DMXL1: variants seen among roughly 807,000 people sequenced by gnomAD.
DMXL1 encodes dmX-like protein 1.
A neutral mutation model predicts 319.2 loss-of-function variants in DMXL1; 99 were observed. The observed-to-expected ratio is 0.31, with a 90% CI of 0.26 to 0.37. The LOEUF is 0.37. DMXL1 is among the 10% of genes least tolerant of loss of function. The pLI is 1.00. For synonymous variants in DMXL1, 1,385 were observed against 1,235.2 expected, an observed-to-expected ratio of 1.12 and a Z score of -2.54; for missense variants, 3,745 against 3,595.6, an observed-to-expected ratio of 1.04 and a Z score of -1.06.
chr5:119,116,954 A>G (rs148891882), intron 7 of DMXL1, among the ~76,000 whole-genome samples: 2,469 of 152,128 alleles, frequency 0.016, 73 homozygotes, highest in African/African-American at 0.055. Context: ...GTAATACTGA[A>G]TTTTAGTAGG....
At chr5:119,201,425 T>C (rs1780690635) in intron 32 of DMXL1, among the ~76,000 whole-genome samples, 1 of 152,204 alleles carries the variant, frequency 6.6e-6, no homozygotes, top group East Asian at 1.9e-4. Context: ...GCCTACTTGA[T>C]CATGGTGAAT....
intron 4 of DMXL1, among the ~76,000 whole-genome samples, chr5:119,106,929 G>T (rs1003382077): frequency 6.6e-6 from 1 of 152,226 alleles, no homozygotes; most frequent in African/African-American, 2.4e-5. Flanking sequence ...CACACAAAGA[G>T]TAATATGTAG....
At chr5:119,123,981 C>T (rs971602828) in intron 9 of DMXL1, among the ~76,000 whole-genome samples, 2 of 150,930 alleles carry the variant, frequency 1.3e-5, no homozygotes, top group African/African-American at 4.9e-5. Context: ...TGGATTAGTA[C>T]ATCAGTGTAC....
intron 34 of DMXL1, among the ~76,000 whole-genome samples, chr5:119,209,084 T>C (rs140022457): frequency 1.3e-5 from 2 of 152,384 alleles, no homozygotes; most frequent in Non-Finnish European, 2.9e-5. Context: ...TATATGGATA[T>C]ACCATAGTTT....
chr5:119,191,985 G>C (rs780622061), intron 29 of DMXL1, among the ~76,000 whole-genome samples: 5 of 152,062 alleles, frequency 3.3e-5, no homozygotes, highest in Admixed American at 6.6e-5. Context: ...TTGCTTTTTG[G>C]AGAAAGGACT....
intron 5 of DMXL1, among the ~76,000 whole-genome samples, chr5:119,112,095 G>T (rs1022031525): frequency 2.6e-5 from 4 of 152,238 alleles, no homozygotes; most frequent in African/African-American, 9.6e-5. Flanking sequence ...CAAGTAGTTG[G>T]GACTACAGGC....
intron 37 of DMXL1, among the ~76,000 whole-genome samples, chr5:119,222,531 T>C (rs1015636800): frequency 6.6e-6 from 1 of 152,206 alleles, no homozygotes; most frequent in African/African-American, 2.4e-5. Context: ...ATAGGACTAA[T>C]AGGCACTTTT....
intron 19 of DMXL1, among the ~76,000 whole-genome samples, chr5:119,153,162 A>T (rs1011132812): frequency 6.6e-6 from 1 of 152,098 alleles, no homozygotes; most frequent in Admixed American, 6.6e-5. Context: ...TTTTTAATAG[A>T]GATGGGGTTT....
At chr5:119,240,002 C>A (rs1788479995) in intron 41 of DMXL1, among the ~76,000 whole-genome samples, 1 of 150,650 alleles carries the variant, frequency 6.6e-6, no homozygotes, top group Admixed American at 6.6e-5. Flanking sequence ...AGCATGTTGG[C>A]TCATGCCTGT....
rs1170375802 is a variant in DMXL1, at chr5:119,077,762, T to A, written c.87+6106T>A. 6.3e-5 allele frequency among the ~76,000 whole-genome samples: 9 copies of A among 142,574 alleles called. No homozygotes were observed. The South Asian group carries it at 1.8e-3, about 28-fold the overall frequency. The allele number at this position is 142,574 out of a possible 152,430, so 93.5% of individuals were successfully genotyped here. ...TATACATTTATTTTTTAAGTGTGTG[T>A]GTGTGTGTGTGTGTGTGTGTGTGTG... On this transcript the variant is annotated intron_variant, in intron 1 of 43. Coordinates refer to ENST00000539542, the MANE Select transcript of DMXL1 (RefSeq NM_001290321.3).
chr5:119,105,952 C>A (rs1464413724), intron 4 of DMXL1, among the ~76,000 whole-genome samples: 1 of 150,868 alleles, frequency 6.6e-6, no homozygotes, highest in African/African-American at 2.4e-5. Context: ...TTATCTATTT[C>A]TGCATTAGAA....
chr5:119,114,533 G>A lies in DMXL1; in HGVS notation c.556G>A (p.Ala186Thr). 2 of 1,606,304 alleles carry A rather than the reference G, an allele frequency of 1.2e-6. No homozygotes were observed. The highest frequency in any genetic ancestry group is 1.7e-6 in the Non-Finnish European group (2 of 1,177,046). Reference sequence around the variant, plus strand: ...ACCAGATGGAGAATTTTTTGCCACTGCTGGGAAGGTAAATTGTGAAAATGC... The same window carrying A: ...ACCAGATGGAGAATTTTTTGCCACTACTGGGAAGGTAAATTGTGAAAATGC... ...FSPDGEFFAT[A>T]GKDDCLLKVW... The change falls in exon 6 of 44, where the codon GCT becomes ACT. Residue 186 changes from alanine to threonine, a missense_variant. Coordinates refer to ENST00000539542, the MANE Select transcript of DMXL1 (RefSeq NM_001290321.3).
rs1340451946 is a variant in DMXL1 at position 119,247,268 on chromosome 5, A to G, written c.*49A>G. The G allele has an allele frequency of 3.0e-6, 4 of 1,314,618 alleles. No individual in the cohort carries two copies. The highest frequency in any genetic ancestry group is 4.3e-6 in the Non-Finnish European group (4 of 927,358). The allele number at this position is 1,314,618 out of a possible 1,614,324, so 81.4% of individuals were successfully genotyped here. On this transcript the variant is annotated 3_prime_UTR_variant, in exon 44 of 44. Transcript: ENST00000539542. ...TTTATTACCTATATGGAAGTGGCCA[A>G]CAGATATAATATACAGTGATCATTC...
chr5:119,102,830 G>A (rs1357415406), intron 3 of DMXL1, among the ~76,000 whole-genome samples: 1 of 152,132 alleles, frequency 6.6e-6, no homozygotes, highest in Non-Finnish European at 1.5e-5. Flanking sequence ...TCTGAAAGAA[G>A]ATAAGTGTAG....
chr5:119,191,396 T>A (rs575692659), intron 29 of DMXL1, among the ~76,000 whole-genome samples: 3 of 152,236 alleles, frequency 2.0e-5, no homozygotes, highest in Admixed American at 6.5e-5. Context: ...CCTAAATGTT[T>A]AAGGGTAGTG....
chr5:119,225,366 C>G (rs1785346710), intron 38 of DMXL1, among the ~76,000 whole-genome samples: 1 of 151,884 alleles, frequency 6.6e-6, no homozygotes, highest in African/African-American at 2.4e-5. Flanking sequence ...CAACCAAGAA[C>G]TTAATTAATG....
chr5:119,121,094 G>C lies in DMXL1; in HGVS notation c.1057G>C (p.Ala353Pro). The C allele has an allele frequency of 6.2e-7, 1 of 1,609,860 alleles. No homozygotes were observed. The highest frequency in any genetic ancestry group is 8.5e-7 in the Non-Finnish European group (1 of 1,178,882). ...VHRNTPLHAN[A>P]LCHFHIAASI... The stretch of plus-strand genomic sequence containing the variant: ...CAGGAACACTCCACTGCATGCCAAT[G>C]CACTTTGCCACTTTCATATTGCAGC... Residue 353 changes from alanine (A) to proline (P), a missense_variant, in exon 9 of 44, where the codon GCA becomes CCA. Transcript: ENST00000539542.
chr5:119,178,364 G>T (rs965348774), intron 28 of DMXL1, 120 bp downstream of exon 28: 10 of 1,168,744 alleles, frequency 8.6e-6, no homozygotes, highest in Non-Finnish European at 7.1e-6. Flanking sequence ...TTTGCGAAAA[G>T]CATAAACAAA....
chr5:119,211,598 A>C (rs1782816818), intron 34 of DMXL1, among the ~76,000 whole-genome samples: 1 of 152,154 alleles, frequency 6.6e-6, no homozygotes, highest in Non-Finnish European at 1.5e-5. Flanking sequence ...TGTCTTCTTT[A>C]GTATTTATAT....
Sources: allele counts gnomAD v4.1 joint callset (sites outside exome capture counted in the v4.1 genomes callset), GRCh38; gene constraint gnomAD v4.1.1; transcripts MANE v1.5; gene names NCBI Gene and HGNC (gene_info 2026-07-23, HGNC 2026-07-21).